Variants in IMPG2 observed in about 807,000 individuals in gnomAD.
IMPG2 encodes interphotoreceptor matrix proteoglycan 2, also known as IPM 200.
A neutral mutation model predicts 129.2 loss-of-function variants in IMPG2; 91 were observed. The observed-to-expected ratio is 0.70, with a 90% CI of 0.59 to 0.84. IMPG2 has a LOEUF of 0.84. Ranked by LOEUF, IMPG2 falls within the 40% of genes least tolerant of loss-of-function variation. The probability of loss-of-function intolerance (pLI) is 0.00; values close to 1 mark genes in which losing one functional copy is unlikely to be tolerated. For synonymous variants in IMPG2, 510 were observed against 517.7 expected (o/e 0.99, Z 0.20); for missense variants, 1,430 against 1,461.7 (o/e 0.98, Z 0.35).
At chr3:101,230,064 G>A (rs745868903) in intron 16 of IMPG2, among the ~76,000 whole-genome samples, 3 of 152,218 alleles carry the variant, frequency 2.0e-5, no homozygotes, top group Non-Finnish European at 2.9e-5. Flanking sequence ...GCATAGGACT[G>A]TTCTACACAC....
chr3:101,237,858 G>A (rs1020516477), intron 14 of IMPG2, among the ~76,000 whole-genome samples: 1 of 152,034 alleles, frequency 6.6e-6, no homozygotes, highest in Admixed American at 6.6e-5. Context: ...AACAAAACTG[G>A]ATGGAGAATG....
intron 3 of IMPG2, among the ~76,000 whole-genome samples, chr3:101,300,551 G>A (rs546661787): frequency 2.0e-5 from 3 of 152,338 alleles, no homozygotes; most frequent in South Asian, 2.1e-4. Flanking sequence ...CTTCTGATCT[G>A]TGGGTTGCAC....
At chr3:101,241,054 C>T (rs1234997283) in intron 14 of IMPG2, among the ~76,000 whole-genome samples, 1 of 152,196 alleles carries the variant, frequency 6.6e-6, no homozygotes, top group Non-Finnish European at 1.5e-5. Flanking sequence ...TTTTTGAGTA[C>T]CTTCTGTGTT....
chr3:101,226,089 G>C lies in IMPG2; in HGVS notation c.*880C>G, dbSNP rs1706218402. 6.5e-6 allele frequency: 1 copy of C among 154,146 alleles called. No individual in the cohort carries two copies. Among genetic ancestry groups the C allele is most frequent in the Non-Finnish European group, 1.5e-5 (1 of 68,116 alleles). 9.5% of individuals were successfully genotyped at this position (154,146 alleles called of 1,614,324 possible). Reference sequence around the variant, plus strand: ...TTGCCCAAGACATCTTTAGATTTCAGAAGCAATCAGGGAACCTCAGTCCAG... The same window carrying C: ...TTGCCCAAGACATCTTTAGATTTCACAAGCAATCAGGGAACCTCAGTCCAG... On this transcript the variant is annotated 3_prime_UTR_variant, in exon 19 of 19. Coordinates refer to ENST00000193391, the MANE Select transcript of IMPG2 (RefSeq NM_016247.4).
intron 11 of IMPG2, among the ~76,000 whole-genome samples, chr3:101,249,777 T>A (rs143565321): frequency 1.9e-4 from 28 of 148,728 alleles, no homozygotes; most frequent in African/African-American, 6.0e-4. Flanking sequence ...TAATATGACA[T>A]GTTTCATGAT....
In IMPG2 at chr3:101,230,940, C is replaced by T. The variant is rs1289877144; in HGVS notation, c.3422+17G>A. The T allele has an allele frequency of 6.2e-7, 1 of 1,601,902 alleles. No homozygotes were observed. Among genetic ancestry groups the T allele is most frequent in the South Asian group, 1.1e-5 (1 of 90,832 alleles). Reference sequence around the variant, plus strand: ...TGGAACATTGTATTCCATTAGAGAGCTCTTTTCCTTATTTACCTGAAGGGA... The same window carrying T: ...TGGAACATTGTATTCCATTAGAGAGTTCTTTTCCTTATTTACCTGAAGGGA... On this transcript the variant is annotated intron_variant, in intron 16 of 18. Transcript: ENST00000193391.
Position 101,225,568 on chromosome 3 carries a change from G to T in IMPG2, c.*1401C>A, listed in dbSNP as rs183298474. The T allele has an allele frequency of 6.6e-4, 100 of 152,110 alleles. No individual in the cohort carries two copies. Among genetic ancestry groups the T allele is most frequent in the African/African-American group, 2.3e-3 (96 of 41,470 alleles). The allele number at this position is 152,110 out of a possible 1,614,324, so 9.4% of individuals were successfully genotyped here. ...GGTGTCCTCATAATGAGCAGAATTG[G>T]CAGTCATCAAGTTGAGAAAAAAAAA... On this transcript the variant is annotated 3_prime_UTR_variant, in exon 19 of 19. Coordinates refer to ENST00000193391, the MANE Select transcript of IMPG2 (RefSeq NM_016247.4).
chr3:101,255,213 C>T (rs1706585863), intron 10 of IMPG2, among the ~76,000 whole-genome samples: 1 of 152,082 alleles, frequency 6.6e-6, no homozygotes, highest in Non-Finnish European at 1.5e-5. Context: ...TAGAAAGCTG[C>T]CGCCATTCAG....
At chr3:101,278,367 G>A (rs1235554054) in intron 4 of IMPG2, among the ~76,000 whole-genome samples, 2 of 152,108 alleles carry the variant, frequency 1.3e-5, no homozygotes. Flanking sequence ...CACATCTTCA[G>A]AGCCACACAC....
intron 3 of IMPG2, among the ~76,000 whole-genome samples, chr3:101,297,409 G>C (rs760503927): frequency 5.3e-5 from 8 of 151,052 alleles, no homozygotes; most frequent in Non-Finnish European, 1.0e-4. Context: ...CTTGAATTCT[G>C]CTCTGATCTT....
intron 9 of IMPG2, among the ~76,000 whole-genome samples, chr3:101,258,414 A>C (rs1706636212): frequency 6.6e-6 from 1 of 152,114 alleles, no homozygotes; most frequent in African/African-American, 2.4e-5. Flanking sequence ...ACTATTATGA[A>C]GTAATTTTTT....
rs1305008225 is a variant in IMPG2, at chr3:101,244,254, T to C, written c.2077A>G (p.Thr693Ala). ...SGPAVPIFAD[T>A]AAESASLTLP... ...GTTAGAGACGCAGATTCAGCTGCAG[T>C]ATCTGCGAAGATGGGCACAGCAGGC... is the stretch of plus-strand genomic sequence containing the variant. Residue 693 changes from threonine (T) to alanine (A), a missense_variant, in exon 13 of 19, where the codon ACT (threonine) becomes GCT (alanine). Thr to Ala is a moderately conservative substitution (Grantham distance 58). Transcript: ENST00000193391. The C allele has an allele frequency of 6.2e-7, 1 of 1,614,006 alleles. No individual in the cohort carries two copies. The highest frequency in any genetic ancestry group is 1.7e-5 in the Admixed American group (1 of 60,002).
At chr3:101,276,222 T>C (rs1706839355) in intron 5 of IMPG2, among the ~76,000 whole-genome samples, 1 of 152,132 alleles carries the variant, frequency 6.6e-6, no homozygotes, top group African/African-American at 2.4e-5. Flanking sequence ...AATAAAGAAA[T>C]GAATTACCAA....
intron 16 of IMPG2, among the ~76,000 whole-genome samples, chr3:101,230,128 A>T (rs1420975573): frequency 2.6e-5 from 4 of 152,232 alleles, no homozygotes; most frequent in Non-Finnish European, 5.9e-5. Flanking sequence ...CAGTCTAATG[A>T]AAAGTCAGAC....
chr3:101,244,044 C>T lies in IMPG2; in HGVS notation c.2287G>A (p.Val763Ile). The T allele has an allele frequency of 6.2e-7, 1 of 1,614,054 alleles. No individual in the cohort carries two copies. Among genetic ancestry groups the T allele is most frequent in the South Asian group, 1.1e-5 (1 of 91,086 alleles). Residue 763 changes from valine (V) to isoleucine (I), a missense_variant, in exon 13 of 19, where the codon GTT becomes ATT. By Grantham distance (29) the Val-to-Ile change is conservative. Coordinates refer to ENST00000193391, the MANE Select transcript of IMPG2 (RefSeq NM_016247.4). ...SSNYEWFDSEVSMVKPDMQTL... is the reference protein window; with the variant it reads ...SSNYEWFDSEISMVKPDMQTL... ...TGCATATCTGGCTTTACCATTGAAA[C>T]CTCACTGTCAAACCATTCATAGTTG... is the stretch of plus-strand genomic sequence containing the variant.
intron 2 of IMPG2, among the ~76,000 whole-genome samples, chr3:101,317,537 G>T (rs993852726): frequency 3.3e-5 from 5 of 152,046 alleles, no homozygotes; most frequent in African/African-American, 1.2e-4. Flanking sequence ...GGTGTTAAGG[G>T]CATAATACAA....
intron 16 of IMPG2, 129 bp from the exon 17 acceptor site, chr3:101,229,719 G>T: frequency 1.2e-6 from 1 of 805,296 alleles, no homozygotes; most frequent in Non-Finnish European, 2.1e-6. Flanking sequence ...GGACATAACT[G>T]TGAAAAACAT....
chr3:101,246,202 T>A, intron 11 of IMPG2, 97 bp from the exon 12 acceptor site: 1 of 1,175,052 alleles, frequency 8.5e-7, no homozygotes, highest in Non-Finnish European at 1.2e-6. Context: ...CCAGATCTTC[T>A]AGGGACAAGG....
intron 9 of IMPG2, 36 bp downstream of exon 9, chr3:101,267,475 A>G: frequency 6.3e-7 from 1 of 1,588,674 alleles, no homozygotes. Flanking sequence ...ACTGTCTCCC[A>G]ATTCAATGGA....
Sources: gnomAD v4.1 joint callset for allele counts (sites outside exome capture counted in the v4.1 genomes callset) on GRCh38, gnomAD v4.1.1 for gene constraint, MANE v1.5 for transcripts, NCBI Gene and HGNC (gene_info 2026-07-23, HGNC 2026-07-21) for gene names.